The following HIVEP1 variants were observed in gnomAD, a reference collection of about 807,000 sequenced individuals.
HIVEP1 encodes the protein HIVEP zinc finger 1.
HIVEP1 carries 36 observed loss-of-function variants against 180.0 expected under a neutral mutation model. The ratio of observed to expected loss-of-function variants is 0.20; its 90% CI spans 0.15 to 0.26. The LOEUF is 0.26. Among genes scored for constraint, HIVEP1 ranks in the 10% least tolerant of loss-of-function variants. The probability of loss-of-function intolerance (pLI) is 1.00; values close to 1 mark genes in which losing one functional copy is unlikely to be tolerated. For synonymous variants in HIVEP1, 1,239 were observed against 1,239.0 expected (o/e 1.00, Z 0.00); for missense variants, 3,143 against 3,268.7 (o/e 0.96, Z 0.94).
At chr6:12,044,613 C>T (rs1294726821) in intron 2 of HIVEP1, among the ~76,000 whole-genome samples, 20 of 147,914 alleles carry the variant, frequency 1.4e-4, no homozygotes, top group Admixed American at 1.4e-3. Context: ...CTCACTGTGC[C>T]CCCCTCAAAG....
intron 4 of HIVEP1, among the ~76,000 whole-genome samples, chr6:12,127,299 G>A (rs1270743139): frequency 6.6e-6 from 1 of 152,234 alleles, no homozygotes; most frequent in Non-Finnish European, 1.5e-5. Context: ...CAAATCATGT[G>A]TATGGTGGTG....
intron 2 of HIVEP1, among the ~76,000 whole-genome samples, chr6:12,031,123 G>A (rs1768911228): frequency 6.6e-6 from 1 of 152,190 alleles, no homozygotes; most frequent in African/African-American, 2.4e-5. Context: ...GTAGATCAGA[G>A]CTTAATTGTG....
Position 12,065,601 on chromosome 6 carries a change from G to A in HIVEP1, c.41-23583G>A, listed in dbSNP as rs980124620. Among the ~76,000 whole-genome samples, 38 of 152,114 alleles carry A rather than the reference G, an allele frequency of 2.5e-4. 1 individual carries two copies. The highest frequency in any genetic ancestry group is 8.9e-4 in the African/African-American group (37 of 41,468). ...TTCCCCTGACGGGCTCTGTGAATTC[G>A]CTTCTGTGTGCCACTGTTTGCTCCT... On this transcript the variant is annotated intron_variant, in intron 2 of 8. Transcript: ENST00000379388.
chr6:12,062,648 T>C (rs577173265), intron 2 of HIVEP1, among the ~76,000 whole-genome samples: 3 of 152,298 alleles, frequency 2.0e-5, no homozygotes, highest in African/African-American at 7.2e-5. Context: ...ATATTCTTAT[T>C]CTTGTTTTTT....
chr6:12,008,111 A>G (rs1767102174), upstream of HIVEP1: 2 of 152,218 alleles, frequency 1.3e-5, no homozygotes, highest in African/African-American at 4.8e-5. Flanking sequence ...ATGAAAAACT[A>G]TATCCAGTGT....
At chr6:12,113,647 AACCT>A (rs1437682598) in intron 3 of HIVEP1, among the ~76,000 whole-genome samples, 3 of 152,166 alleles carry the variant, frequency 2.0e-5, no homozygotes, top group African/African-American at 7.2e-5. Flanking sequence ...GGCCTAGAGT[AACCT>A]GGTTGTAGAA....
chr6:12,173,940 T>G, the HIVEP1 span, among the ~76,000 whole-genome samples: 2,762 of 152,280 alleles, frequency 0.018, 42 homozygotes, highest in Middle Eastern at 0.061. Context: ...GCAAGGCTTA[T>G]TTTTGCCCAG....
chr6:12,207,291 C>T, the HIVEP1 span, among the ~76,000 whole-genome samples: 1 of 152,110 alleles, frequency 6.6e-6, no homozygotes, highest in African/African-American at 2.4e-5. Context: ...TGGATTTAAC[C>T]ATATTTAGCT....
At chr6:12,177,302 C>A in the HIVEP1 span, among the ~76,000 whole-genome samples, 2 of 152,070 alleles carry the variant, frequency 1.3e-5, no homozygotes, top group African/African-American at 4.8e-5. Flanking sequence ...GCACAGGTAC[C>A]CCCAAACCTA....
chr6:12,041,289 G>A (rs758350026), intron 2 of HIVEP1, among the ~76,000 whole-genome samples: 10 of 151,942 alleles, frequency 6.6e-5, no homozygotes, highest in South Asian at 2.1e-4. Context: ...GGGCATGGTG[G>A]TGGGCACCTG....
At chr6:12,014,029 G>T (rs1190958893) in intron 1 of HIVEP1, among the ~76,000 whole-genome samples, 2 of 152,210 alleles carry the variant, frequency 1.3e-5, no homozygotes, top group African/African-American at 4.8e-5. Context: ...TTCTTAAGGA[G>T]AATTAATAGT....
At chr6:12,009,492 G>A (rs1447543042), upstream of HIVEP1, among the ~76,000 whole-genome samples, 3 of 152,202 alleles carry the variant, frequency 2.0e-5, no homozygotes, top group Non-Finnish European at 4.4e-5. Context: ...GCAGAGAATG[G>A]TCACTTGCTC....
At chr6:12,028,454 A>G (rs529336823) in intron 2 of HIVEP1, among the ~76,000 whole-genome samples, 2 of 152,250 alleles carry the variant, frequency 1.3e-5, no homozygotes, top group Non-Finnish European at 2.9e-5. Flanking sequence ...CTGCATAGCC[A>G]AGGGGTTAAA....
chr6:12,129,306 A>C (rs1758280503), intron 4 of HIVEP1, among the ~76,000 whole-genome samples: 1 of 152,168 alleles, frequency 6.6e-6, no homozygotes, highest in African/African-American at 2.4e-5. Flanking sequence ...GCTGAAGGAG[A>C]CTTAATGATG....
At chr6:12,108,710 C>G (rs1178837115) in intron 3 of HIVEP1, among the ~76,000 whole-genome samples, 1 of 152,220 alleles carries the variant, frequency 6.6e-6, no homozygotes, top group South Asian at 2.1e-4. Context: ...CCCACGCCCA[C>G]CCGGAGCTCC....
intron 3 of HIVEP1, among the ~76,000 whole-genome samples, chr6:12,094,691 T>A (rs928263650): frequency 2.0e-5 from 3 of 152,048 alleles, no homozygotes; most frequent in Non-Finnish European, 4.4e-5. Context: ...GATTTGTTAA[T>A]ATTTTATTGA....
At chr6:12,204,775 C>G in the HIVEP1 span, among the ~76,000 whole-genome samples, 2,108 of 152,272 alleles carry the variant, frequency 0.014, 44 homozygotes, top group African/African-American at 0.048. Context: ...CAATTACTTG[C>G]ATTACCTGTA....
chr6:12,149,821 TAA>T (rs1308310019), intron 7 of HIVEP1, among the ~76,000 whole-genome samples: 3 of 152,182 alleles, frequency 2.0e-5, no homozygotes, highest in East Asian at 3.9e-4. Flanking sequence ...CCCTGGTTGA[TAA>T]AGAGTGTTCA....
chr6:12,064,557 G>T (rs1484060555), intron 2 of HIVEP1, among the ~76,000 whole-genome samples: 1 of 152,132 alleles, frequency 6.6e-6, no homozygotes, highest in East Asian at 1.9e-4. Context: ...TGGTGAAATT[G>T]TATGTATCTG....
Sources: gnomAD v4.1 joint callset for allele counts (sites outside exome capture counted in the v4.1 genomes callset) on GRCh38, gnomAD v4.1.1 for gene constraint, MANE v1.5 for transcripts, NCBI Gene and HGNC (gene_info 2026-07-23, HGNC 2026-07-21) for gene names.